CHST11: variants seen among roughly 807,000 people sequenced by gnomAD.
CHST11 encodes the protein C4S-1.
A neutral mutation model predicts 30.4 loss-of-function variants in CHST11; 9 were observed. That is an observed-to-expected ratio of 0.30 (90% confidence interval 0.18 to 0.52). CHST11 has a LOEUF of 0.52. Among genes scored for constraint, CHST11 ranks in the 20% least tolerant of loss-of-function variants. CHST11 has a pLI of 0.97. For synonymous variants in CHST11, 152 were observed against 187.8 expected, an observed-to-expected ratio of 0.81 and a Z score of 1.56; for missense variants, 348 against 460.6, an observed-to-expected ratio of 0.76 and a Z score of 2.24.
chr12:104,720,149 C>T (rs1277333318), intron 2 of CHST11, among the ~76,000 whole-genome samples: 5 of 152,262 alleles, frequency 3.3e-5, no homozygotes, highest in Admixed American at 3.3e-4. Flanking sequence ...AAGCACGCTT[C>T]CTCCTGAAAC....
At chr12:104,641,449 G>A (rs762423977) in intron 2 of CHST11, among the ~76,000 whole-genome samples, 7 of 152,094 alleles carry the variant, frequency 4.6e-5, no homozygotes, top group African/African-American at 9.7e-5. Context: ...ACCCAAAAGC[G>A]TTCACCCCCA....
At chr12:104,662,244 C>T (rs928664088) in intron 2 of CHST11, among the ~76,000 whole-genome samples, 1 of 152,186 alleles carries the variant, frequency 6.6e-6, no homozygotes, top group Non-Finnish European at 1.5e-5. Flanking sequence ...AGCACGTCCT[C>T]TCATTAGCTG....
At chr12:104,503,408 G>A (rs12306445) in intron 1 of CHST11, among the ~76,000 whole-genome samples, 26,047 of 152,160 alleles carry the variant, frequency 0.17, 2,381 homozygotes, top group East Asian at 0.33. Flanking sequence ...GTGGCCTCGG[G>A]CAAATCGTTA....
At chr12:104,739,246 GAA>G (rs1433271819) in intron 2 of CHST11, among the ~76,000 whole-genome samples, 7 of 152,330 alleles carry the variant, frequency 4.6e-5, no homozygotes, top group Admixed American at 3.3e-4. Flanking sequence ...AAAGTGAAAG[GAA>G]AAGTGACATC....
intron 1 of CHST11, among the ~76,000 whole-genome samples, chr12:104,511,997 A>G (rs2037970175): frequency 6.6e-6 from 1 of 152,232 alleles, no homozygotes; most frequent in Non-Finnish European, 1.5e-5. Flanking sequence ...TATAATATTA[A>G]TAACTAATAT....
intron 2 of CHST11, among the ~76,000 whole-genome samples, chr12:104,756,170 T>C (rs1446373328): frequency 6.6e-6 from 1 of 152,156 alleles, no homozygotes; most frequent in Non-Finnish European, 1.5e-5. Context: ...TGAACTTTCA[T>C]GAGTGGTGGT....
rs1030307280 is a variant in CHST11 at position 104,476,393 on chromosome 12, C to A, written c.118+18864C>A. 1.3e-4 allele frequency among the ~76,000 whole-genome samples: 20 copies of A among 151,470 alleles called. No homozygotes were observed. The East Asian group carries it at 3.9e-3, about 29-fold the overall frequency. ...GTATATATATTTACAAAGATGAAATCGTCAGGCTTACAGTGTATTTTGCTT... is the reference window on the plus strand; with the variant it reads ...GTATATATATTTACAAAGATGAAATAGTCAGGCTTACAGTGTATTTTGCTT... On this transcript the variant is annotated intron_variant, in intron 1 of 2. Transcript: ENST00000303694.
intron 2 of CHST11, among the ~76,000 whole-genome samples, chr12:104,741,340 C>T (rs896540890): frequency 1.3e-5 from 2 of 152,160 alleles, no homozygotes; most frequent in African/African-American, 2.4e-5. Context: ...CTCCACCTCT[C>T]TCTTGGGGGA....
intron 1 of CHST11, among the ~76,000 whole-genome samples, chr12:104,513,459 T>C (rs1232639885): frequency 2.0e-5 from 3 of 152,202 alleles, no homozygotes; most frequent in African/African-American, 7.2e-5. Context: ...GAAAAAAGAA[T>C]TCTGGCTTAG....
chr12:104,486,311 T>G (rs1317222533), intron 1 of CHST11, among the ~76,000 whole-genome samples: 1 of 152,188 alleles, frequency 6.6e-6, no homozygotes, highest in African/African-American at 2.4e-5. Context: ...GTGATTTTTT[T>G]TTTTTTTTAA....
chr12:104,534,484 G>A (rs1480434646), intron 1 of CHST11, among the ~76,000 whole-genome samples: 1 of 152,164 alleles, frequency 6.6e-6, no homozygotes, highest in African/African-American at 2.4e-5. Flanking sequence ...TTCCCATTTA[G>A]TGATTTCGAT....
intron 2 of CHST11, among the ~76,000 whole-genome samples, chr12:104,614,969 G>A (rs140931499): frequency 6.6e-6 from 1 of 152,186 alleles, no homozygotes; most frequent in Non-Finnish European, 1.5e-5. Flanking sequence ...CGAAACCTGA[G>A]TTCCACTGTA....
intron 2 of CHST11, among the ~76,000 whole-genome samples, chr12:104,670,862 C>T (rs998865999): frequency 6.6e-6 from 1 of 151,910 alleles, no homozygotes; most frequent in African/African-American, 2.4e-5. Context: ...CCCCCCACAC[C>T]TATACATATA....
rs139665448 is a variant in CHST11 at position 104,721,729 on chromosome 12, C to T, written c.205-35220C>T. ...AACCAGCATAGAAAAAAAAATAGAT[C>T]GTTTCACTGAAAGAACCACTATAAA... On this transcript the variant is annotated intron_variant, in intron 2 of 2. Transcript: ENST00000303694. Among the ~76,000 whole-genome samples the T allele has an allele frequency of 1.4e-4, 21 of 152,210 alleles. No homozygotes were observed. In the East Asian group the frequency reaches 2.1e-3, roughly 15 times the overall value.
chr12:104,472,517 C>A (rs2037520964), intron 1 of CHST11, among the ~76,000 whole-genome samples: 1 of 152,118 alleles, frequency 6.6e-6, no homozygotes, highest in Non-Finnish European at 1.5e-5. Flanking sequence ...CACAGTCTGC[C>A]ATGTAGCAAG....
chr12:104,488,440 T>C (rs911113646), intron 1 of CHST11, among the ~76,000 whole-genome samples: 3 of 151,678 alleles, frequency 2.0e-5, no homozygotes, highest in Admixed American at 6.6e-5. Context: ...TGTATGCATG[T>C]ATGTATGTGT....
chr12:104,474,096 A>G (rs184547622), intron 1 of CHST11, among the ~76,000 whole-genome samples: 33 of 152,358 alleles, frequency 2.2e-4, no homozygotes, highest in African/African-American at 7.7e-4. Flanking sequence ...AAACTTATAA[A>G]GATTTAGGGA....
chr12:104,691,701 G>A (rs1566039952), intron 2 of CHST11, among the ~76,000 whole-genome samples: 1 of 152,056 alleles, frequency 6.6e-6, no homozygotes, highest in Admixed American at 6.5e-5. Context: ...TGTTGGCCAG[G>A]ATGGTCTCGA....
Position 104,742,847 on chromosome 12 carries a change from G to A in CHST11, c.205-14102G>A, listed in dbSNP as rs567952100. 1.5e-4 allele frequency among the ~76,000 whole-genome samples: 23 copies of A among 152,306 alleles called. 1 individual carries two copies. Among genetic ancestry groups the A allele is most frequent in the African/African-American group, 3.8e-4 (16 of 41,568 alleles). On this transcript the variant is annotated intron_variant, in intron 2 of 2. Transcript: ENST00000303694. ...CACCAGACGGGTGGAAAGTGCCAGC[G>A]TCCCTCCCTCATCAAAAGCTGTTGC...
Sources: allele counts gnomAD v4.1 joint callset (sites outside exome capture counted in the v4.1 genomes callset), GRCh38; gene constraint gnomAD v4.1.1; transcripts MANE v1.5; gene names NCBI Gene and HGNC (gene_info 2026-07-23, HGNC 2026-07-21).